Variants in HERC1 observed in about 807,000 individuals in gnomAD.
HERC1 encodes the protein probable E3 ubiquitin-protein ligase HERC1.
Under a neutral mutation model 554.3 loss-of-function variants are expected in HERC1, and 160 were observed. The observed-to-expected ratio is 0.29, with a 90% CI of 0.25 to 0.33. The LOEUF (loss-of-function observed/expected upper bound fraction) is 0.33, where lower values mean the gene tolerates loss of function less well. Among genes scored for constraint, HERC1 ranks in the 10% least tolerant of loss-of-function variants. The pLI, the probability that HERC1 is intolerant of heterozygous loss-of-function variation, is 1.00. For synonymous variants in HERC1, 2,175 were observed against 2,131.7 expected (o/e 1.02, Z -0.56); for missense variants, 4,919 against 5,918.5 (o/e 0.83, Z 5.54).
chr15:63,793,797 T>A (rs948671957), intron 1 of HERC1, among the ~76,000 whole-genome samples: 2 of 152,010 alleles, frequency 1.3e-5, no homozygotes, highest in Non-Finnish European at 2.9e-5. Flanking sequence ...GTTCCCTGTG[T>A]TAGAGATGTG....
chr15:63,650,641 C>G (rs1316523274), intron 53 of HERC1, among the ~76,000 whole-genome samples: 2 of 152,086 alleles, frequency 1.3e-5, no homozygotes, highest in Non-Finnish European at 2.9e-5. Context: ...TAAAGAAAAA[C>G]ACTGAATGTA....
At chr15:63,748,414 T>A (rs892194050) in intron 10 of HERC1, among the ~76,000 whole-genome samples, 1 of 152,110 alleles carries the variant, frequency 6.6e-6, no homozygotes, top group Non-Finnish European at 1.5e-5. Context: ...TCCACTCACC[T>A]GAAAGCAGAG....
rs776253753 is a variant in HERC1 at position 63,749,469 on chromosome 15, A to G, written c.2117T>C (p.Ile706Thr). 1 of 1,613,818 alleles carries G rather than the reference A, an allele frequency of 6.2e-7. No individual in the cohort carries two copies. Among genetic ancestry groups the G allele is most frequent in the Non-Finnish European group, 8.5e-7 (1 of 1,179,750 alleles). Reference sequence around the variant, plus strand: ...GCCACTCACTTTCTTTGGTTTAGTAATAGGACCTGTGGAATTTCCCTGACC... The same window carrying G: ...GCCACTCACTTTCTTTGGTTTAGTAGTAGGACCTGTGGAATTTCCCTGACC... ...QCGQGNSTGP[I>T]TKPKKVSGLD... Residue 706 changes from isoleucine (I) to threonine (T), a missense_variant, in exon 10 of 78, where the codon ATT becomes ACT. Physicochemically the swap from Ile to Thr is moderately conservative, Grantham distance 89. This residue lies in a region of HERC1 where 744 missense variants were observed against 1,090.0 expected (regional missense o/e 0.68). Transcript: ENST00000443617. The surrounding 1 kb of genome is among the most constrained non-coding windows in gnomAD (Gnocchi z 4.1).
chr15:63,703,406 A>G (rs2072835992), intron 25 of HERC1, among the ~76,000 whole-genome samples: 1 of 152,256 alleles, frequency 6.6e-6, no homozygotes, highest in East Asian at 1.9e-4. Flanking sequence ...ATGTGTATAC[A>G]CCCATTGTCA....
chr15:63,771,224 G>A (rs753264028), intron 2 of HERC1, among the ~76,000 whole-genome samples: 7 of 151,668 alleles, frequency 4.6e-5, no homozygotes, highest in Non-Finnish European at 8.8e-5. Flanking sequence ...CACGGGTTCT[G>A]GAGACCAAAA....
At chr15:63,814,920 T>C (rs533863551) in intron 1 of HERC1, among the ~76,000 whole-genome samples, 2 of 152,366 alleles carry the variant, frequency 1.3e-5, no homozygotes, top group African/African-American at 4.8e-5. Context: ...TAATGTGAGC[T>C]ATGATTATTA....
chr15:63,792,671 C>A (rs1288585422), intron 1 of HERC1, among the ~76,000 whole-genome samples: 2 of 152,174 alleles, frequency 1.3e-5, no homozygotes, highest in Non-Finnish European at 2.9e-5. Context: ...ATTAGACTCT[C>A]ACAACACAGA....
At chr15:63,813,867 A>C (rs957840547) in intron 1 of HERC1, among the ~76,000 whole-genome samples, 1 of 152,080 alleles carries the variant, frequency 6.6e-6, no homozygotes, top group African/African-American at 2.4e-5. Context: ...CAGGAGTTTG[A>C]GACCAGCCTG....
At chr15:63,629,698 CTGTTA>C (rs2068462429) in intron 69 of HERC1, among the ~76,000 whole-genome samples, 2 of 152,190 alleles carry the variant, frequency 1.3e-5, no homozygotes, top group Non-Finnish European at 2.9e-5. Flanking sequence ...GCTTCCTTGT[CTGTTA>C]ATGCAGTGAT....
Position 63,669,651 on chromosome 15 carries a change from C to T in HERC1, c.8093G>A (p.Arg2698Gln), listed in dbSNP as rs778018536. The part of the protein sequence containing the change: ...YPTTTVLPTR[R>Q]AQTPPISSLP... Reference sequence around the variant, plus strand: ...CGAAGATATTGGAGGAGTCTGTGCCCGACGTGTGGGAAGTACAGTGGTAGT... The same window carrying T: ...CGAAGATATTGGAGGAGTCTGTGCCTGACGTGTGGGAAGTACAGTGGTAGT... The change falls in exon 40 of 78, where the codon CGG becomes CAG. Residue 2698 changes from arginine (R) to glutamine (Q), a missense_variant. Arg to Gln is a conservative substitution (Grantham distance 43, BLOSUM62 1). Transcript: ENST00000443617. 11 of 1,613,692 alleles carry T rather than the reference C, an allele frequency of 6.8e-6. No homozygotes were observed. The highest frequency in any genetic ancestry group is 4.5e-5 in the East Asian group (2 of 44,900).
In HERC1 at chr15:63,622,898, A is replaced by G; in HGVS notation, c.13612-7T>C. 1 of 1,577,366 alleles carries G rather than the reference A, an allele frequency of 6.3e-7. No homozygotes were observed. The highest frequency in any genetic ancestry group is 8.6e-7 in the Non-Finnish European group (1 of 1,164,760). On this transcript the variant is annotated splice_polypyrimidine_tract_variant and splice_region_variant and intron_variant, in intron 73 of 77. Coordinates refer to ENST00000443617, the MANE Select transcript of HERC1 (RefSeq NM_003922.4). The stretch of plus-strand genomic sequence containing the variant: ...CAATACCAGTTTCAAGTTCCTGCAG[A>G]AGAAAGAAAAAAATTTTTTGAGAAA...
intron 1 of HERC1, among the ~76,000 whole-genome samples, chr15:63,827,374 T>C (rs2145990473): frequency 6.6e-6 from 1 of 151,692 alleles, no homozygotes; most frequent in Middle Eastern, 3.4e-3. Context: ...GTTTGAGCCA[T>C]GATTGTACCA....
rs772235232 is a variant in HERC1, at chr15:63,686,353, A to G, written c.6225+6T>C. 1.3e-6 allele frequency: 2 copies of G among 1,583,524 alleles called. 1 individual carries two copies. Among genetic ancestry groups the G allele is most frequent in the African/African-American group, 2.7e-5 (2 of 73,456 alleles). ...AATGCTAAAAACTATTAGATTTTCT[A>G]CGTACCTTCCACTGATAGCACCCAG... On this transcript the variant is annotated splice_donor_region_variant and intron_variant, in intron 34 of 77. Coordinates refer to ENST00000443617, the MANE Select transcript of HERC1 (RefSeq NM_003922.4).
chr15:63,716,482 A>G lies in HERC1; in HGVS notation c.3979-9T>C. ...TCCTGGTTTTCTGATATCTTAAAGA[A>G]ATTATCAGAAACTACACTAAATACA... is the stretch of plus-strand genomic sequence containing the variant. On this transcript the variant is annotated splice_polypyrimidine_tract_variant and intron_variant, in intron 21 of 77. Coordinates refer to ENST00000443617, the MANE Select transcript of HERC1 (RefSeq NM_003922.4). The G allele has an allele frequency of 1.3e-6, 2 of 1,580,238 alleles. No homozygotes were observed. Among genetic ancestry groups the G allele is most frequent in the Non-Finnish European group, 1.7e-6 (2 of 1,167,338 alleles).
chr15:63,792,867 G>T (rs756032829), intron 1 of HERC1, among the ~76,000 whole-genome samples: 1 of 152,174 alleles, frequency 6.6e-6, no homozygotes, highest in Non-Finnish European at 1.5e-5. Flanking sequence ...GATTCCAATC[G>T]CAAGCCCCAG....
Position 63,645,038 on chromosome 15 carries a change from T to G in HERC1, c.11138A>C (p.Asn3713Thr). ...CCACCATCCTTCTGCACTAGTCACA[T>G]TGGTCTGTGTAGTATCTTGAGGAAT... is the stretch of plus-strand genomic sequence containing the variant. ...WRIPQDTTQTNVTSAEGWWEQ... is the reference protein window; with the variant it reads ...WRIPQDTTQTTVTSAEGWWEQ... The change falls in exon 57 of 78, where the codon AAT becomes ACT. Residue 3713 changes from asparagine to threonine, a missense_variant. This residue lies in a region of HERC1 where 1,963 missense variants were observed against 2,228.6 expected (regional missense o/e 0.88). Coordinates refer to ENST00000443617, the MANE Select transcript of HERC1 (RefSeq NM_003922.4). 1 of 1,613,848 alleles carries G rather than the reference T, an allele frequency of 6.2e-7. No individual in the cohort carries two copies. The highest frequency in any genetic ancestry group is 8.5e-7 in the Non-Finnish European group (1 of 1,179,776).
At chr15:63,610,302 G>C (rs1311857916) in intron 77 of HERC1, among the ~76,000 whole-genome samples, 2 of 152,134 alleles carry the variant, frequency 1.3e-5, no homozygotes, top group Non-Finnish European at 2.9e-5. Flanking sequence ...CAGAAAAACT[G>C]AAAGCAGCAA....
chr15:63,714,046 C>T (rs2073427445), intron 22 of HERC1, among the ~76,000 whole-genome samples: 1 of 152,124 alleles, frequency 6.6e-6, no homozygotes, highest in African/African-American at 2.4e-5. Flanking sequence ...TGAATCAGAA[C>T]CTCTAGGTGG....
At chr15:63,699,151 T>C (rs567608038) in intron 25 of HERC1, among the ~76,000 whole-genome samples, 155 bp from the exon 26 acceptor site, 91 of 152,270 alleles carry the variant, frequency 6.0e-4, no homozygotes, top group Middle Eastern at 3.4e-3. Context: ...CTGAGCAAAA[T>C]GCTTTGGTAA....
Sources: allele counts gnomAD v4.1 joint callset (sites outside exome capture counted in the v4.1 genomes callset), GRCh38; gene constraint gnomAD v4.1.1; regional missense constraint gnomAD v4.1.1; non-coding constraint Gnocchi (gnomAD v3.1); transcripts MANE v1.5; gene names NCBI Gene and HGNC (gene_info 2026-07-23, HGNC 2026-07-21).